THSD7A: variants seen among roughly 807,000 people sequenced by gnomAD.
THSD7A encodes the protein thrombospondin type-1 domain-containing protein 7A.
In THSD7A, 96 loss-of-function variants were observed where a neutral mutation model predicts 231.3. The observed-to-expected ratio is 0.41, with a 90% CI of 0.35 to 0.49. The LOEUF is 0.49. THSD7A is among the 20% of genes least tolerant of loss of function. THSD7A has a pLI of 0.05. For synonymous variants in THSD7A, 940 were observed against 743.3 expected (o/e 1.26, Z -4.30); for missense variants, 2,290 against 2,070.2 (o/e 1.11, Z -2.06).
chr7:11,474,375 G>A lies in THSD7A; in HGVS notation c.2211C>T (p.Val737=). The A allele has an allele frequency of 6.2e-7, 1 of 1,613,442 alleles. No homozygotes were observed. Among genetic ancestry groups the A allele is most frequent in the African/African-American group, 1.3e-5 (1 of 75,028 alleles). Residue 737 remains valine (V), a synonymous_variant, in exon 8 of 28, where the codon GTC becomes GTT. Transcript: ENST00000423059. The surrounding 1 kb of genome is among the most constrained non-coding windows in gnomAD (Gnocchi z 4.1). ...GGCCCACATTGACTCGCACACAGAT[G>A]ACTTTTCTTGTCTGCATGCCGACAG... The part of the protein sequence containing the change: ...SCSVGMQTRK[V]ICVRVNVGQV...
intron 3 of THSD7A, among the ~76,000 whole-genome samples, chr7:11,592,748 T>C (rs2128341704): frequency 6.6e-6 from 1 of 152,360 alleles, no homozygotes; most frequent in East Asian, 1.9e-4. Context: ...GGATTTGTTA[T>C]ACAAAGTACT....
At chr7:11,609,739 G>A (rs893290940) in intron 2 of THSD7A, among the ~76,000 whole-genome samples, 2 of 152,178 alleles carry the variant, frequency 1.3e-5, no homozygotes, top group African/African-American at 2.4e-5. Flanking sequence ...AGATCATGCA[G>A]AGAAGCTTAT....
chr7:11,806,127 A>G (rs1583305782), intron 1 of THSD7A, among the ~76,000 whole-genome samples: 1 of 152,188 alleles, frequency 6.6e-6, no homozygotes, highest in African/African-American at 2.4e-5. Context: ...TAAACAAATT[A>G]GAATCTACTT....
chr7:11,447,392 C>G lies in THSD7A; in HGVS notation c.2638G>C (p.Ala880Pro). The G allele has an allele frequency of 1.9e-6, 3 of 1,591,900 alleles. No individual in the cohort carries two copies. Among genetic ancestry groups the G allele is most frequent in the Non-Finnish European group, 2.6e-6 (3 of 1,170,686 alleles). The change falls in exon 12 of 28, where the codon GCT becomes CCT. Residue 880 changes from alanine to proline, a missense_variant. By Grantham distance (27) the Ala-to-Pro change is conservative. Transcript: ENST00000423059. ...ITCRKQDGGQ[A>P]GIHECLQYAG... Reference sequence around the variant, plus strand: ...TACTGTAGGCACTCATGGATTCCAGCCTGTCCTCCATCTTGCTTGCGACAA... The same window carrying G: ...TACTGTAGGCACTCATGGATTCCAGGCTGTCCTCCATCTTGCTTGCGACAA...
At chr7:11,821,415 AT>A (rs112730302) in intron 1 of THSD7A, 3 of 262,754 alleles carry the variant, frequency 1.1e-5, no homozygotes, top group African/African-American at 4.6e-5. Context: ...TTTTTCTTTT[AT>A]TTTTTTAGGC....
rs777438430 is a variant in THSD7A, at chr7:11,379,162, TCTCCTCTTTTGTC to T, written c.4696_4708del (p.Asp1566MetfsTer2). ...ATGTACAGCCCGACTGGTTTTCACATCTCCTCTTTTGTCCTCCATGGTGGGTAATACCACCACG... is the reference window on the plus strand; with the variant it reads ...ATGTACAGCCCGACTGGTTTTCACATCTCCATGGTGGGTAATACCACCACG... On this transcript the variant is annotated frameshift_variant, in exon 26 of 28. Coordinates refer to ENST00000423059, the MANE Select transcript of THSD7A (RefSeq NM_015204.3). LOFTEE classifies it high-confidence loss of function. The T allele has an allele frequency of 1.2e-6, 2 of 1,613,690 alleles. No homozygotes were observed. Among genetic ancestry groups the T allele is most frequent in the Admixed American group, 3.3e-5 (2 of 59,978 alleles).
At chr7:11,393,208 G>A (rs972067082) in intron 23 of THSD7A, among the ~76,000 whole-genome samples, 2 of 152,186 alleles carry the variant, frequency 1.3e-5, no homozygotes, top group African/African-American at 2.4e-5. Flanking sequence ...AGCAATCTTC[G>A]CTGTTCTGCA....
chr7:11,527,566 T>C (rs937063400), intron 6 of THSD7A, among the ~76,000 whole-genome samples: 1 of 152,148 alleles, frequency 6.6e-6, no homozygotes, highest in African/African-American at 2.4e-5. Flanking sequence ...TTGCACTCTA[T>C]CAAGAAATCT....
At chr7:11,466,101 A>G (rs912033172) in intron 9 of THSD7A, among the ~76,000 whole-genome samples, 8 of 152,130 alleles carry the variant, frequency 5.3e-5, no homozygotes, top group East Asian at 1.9e-4. Context: ...TTTGTGCAAT[A>G]GTATTGTGTA....
intron 4 of THSD7A, among the ~76,000 whole-genome samples, chr7:11,549,664 A>G (rs1219582205): frequency 6.6e-6 from 1 of 152,096 alleles, no homozygotes; most frequent in African/African-American, 2.4e-5. Context: ...ATTCTCAGCA[A>G]ACTAACACAG....
At chr7:11,739,373 A>T (rs966490165) in intron 1 of THSD7A, among the ~76,000 whole-genome samples, 7 of 152,072 alleles carry the variant, frequency 4.6e-5, no homozygotes, top group Admixed American at 3.3e-4. Flanking sequence ...TAAGTATTTT[A>T]AAAAGTGGGA....
intron 6 of THSD7A, among the ~76,000 whole-genome samples, chr7:11,496,282 C>G (rs1256351765): frequency 6.6e-6 from 1 of 152,146 alleles, no homozygotes; most frequent in Admixed American, 6.5e-5. Context: ...TTAATGTCCC[C>G]AACTTTATAC....
chr7:11,454,640 G>C (rs981403636), intron 11 of THSD7A, among the ~76,000 whole-genome samples: 1 of 150,456 alleles, frequency 6.6e-6, no homozygotes, highest in East Asian at 2.0e-4. Flanking sequence ...TGTAACCCAA[G>C]TCATGTATAC....
chr7:11,482,835 G>T (rs932467452), intron 6 of THSD7A, among the ~76,000 whole-genome samples: 1 of 152,100 alleles, frequency 6.6e-6, no homozygotes, highest in Non-Finnish European at 1.5e-5. Flanking sequence ...TGCTGAATGC[G>T]TGAAATGAGA....
chr7:11,432,070 A>C (rs1039079195), intron 13 of THSD7A, among the ~76,000 whole-genome samples: 7 of 152,136 alleles, frequency 4.6e-5, no homozygotes, highest in Non-Finnish European at 2.9e-5. Context: ...ATACTAATTT[A>C]CTATACAGTA....
At chr7:11,643,400 G>T (rs979997223) in intron 1 of THSD7A, among the ~76,000 whole-genome samples, 2 of 151,952 alleles carry the variant, frequency 1.3e-5, no homozygotes, top group African/African-American at 2.4e-5. Flanking sequence ...TAATAGGAAA[G>T]AAAAATTCCT....
chr7:11,539,404 G>A (rs1245952921), intron 6 of THSD7A, among the ~76,000 whole-genome samples: 1 of 152,188 alleles, frequency 6.6e-6, no homozygotes, highest in African/African-American at 2.4e-5. Flanking sequence ...TGGAAAAGAT[G>A]TCCTGTAAAG....
intron 4 of THSD7A, among the ~76,000 whole-genome samples, chr7:11,584,741 C>T (rs1423570903): frequency 6.6e-6 from 1 of 151,956 alleles, no homozygotes; most frequent in Admixed American, 6.6e-5. Flanking sequence ...AAAACTGTTC[C>T]CTTAAATTAG....
At chr7:11,826,437 G>C (rs573987639) in intron 1 of THSD7A, among the ~76,000 whole-genome samples, 1 of 152,054 alleles carries the variant, frequency 6.6e-6, no homozygotes, top group East Asian at 1.9e-4. Flanking sequence ...TAAGTCAGTC[G>C]CGTTTTGCTC....
Sources: gnomAD v4.1 joint callset for allele counts (sites outside exome capture counted in the v4.1 genomes callset) on GRCh38, gnomAD v4.1.1 for gene constraint, Gnocchi (gnomAD v3.1) non-coding constraint, MANE v1.5 for transcripts, NCBI Gene and HGNC (gene_info 2026-07-23, HGNC 2026-07-21) for gene names.